CCDC77: variants seen among roughly 807,000 people sequenced by gnomAD.
CCDC77 encodes the protein coiled-coil domain-containing protein 77.
CCDC77 carries 56 observed loss-of-function variants against 66.8 expected under a neutral mutation model. The observed-to-expected ratio is 0.84, with a 90% CI of 0.68 to 1.05. The LOEUF is 1.05. Among genes scored for constraint, CCDC77 ranks in the 50% least tolerant of loss-of-function variants. The probability of loss-of-function intolerance (pLI) is 0.00; values close to 1 mark genes in which losing one functional copy is unlikely to be tolerated. For missense variants in CCDC77, 570 were observed against 576.8 expected, an observed-to-expected ratio of 0.99 and a Z score of 0.12; for synonymous variants, 196 against 195.2, an observed-to-expected ratio of 1.00 and a Z score of -0.03.
chr12:390,051 T>G (rs901050556), intron 1 of CCDC77: 11 of 149,732 alleles, frequency 7.3e-5, no homozygotes, highest in African/African-American at 2.5e-4. Context: ...CTCAAAGTAC[T>G]TTAATTGTTC....
intron 7 of CCDC77, among the ~76,000 whole-genome samples, chr12:430,939 G>A (rs1407985172): frequency 6.6e-6 from 1 of 151,900 alleles, no homozygotes; most frequent in Admixed American, 6.6e-5. Context: ...AACTAGCCGG[G>A]TGTGGTGGCA....
At chr12:422,696 C>T (rs1020385493) in intron 5 of CCDC77, among the ~76,000 whole-genome samples, 12 of 152,198 alleles carry the variant, frequency 7.9e-5, no homozygotes, top group African/African-American at 2.2e-4. Context: ...CTGTAACCTC[C>T]GCCTTCCAAA....
chr12:411,514 C>G lies in CCDC77; in HGVS notation c.39-233C>G, dbSNP rs542269377. ...TTTTTTTTAAATAAAGACAGGGTTTCACTATATTGCCCAGGCTGGTCTTGA... is the reference window on the plus strand; with the variant it reads ...TTTTTTTTAAATAAAGACAGGGTTTGACTATATTGCCCAGGCTGGTCTTGA... On this transcript the variant is annotated intron_variant, in intron 3 of 12. Transcript: ENST00000239830. Among the ~76,000 whole-genome samples the G allele has an allele frequency of 2.6e-5, 4 of 151,324 alleles. 1 individual carries two copies. In the South Asian group the frequency reaches 8.4e-4, roughly 32 times the overall value.
At chr12:406,521 T>A (rs1944994244) in intron 2 of CCDC77, among the ~76,000 whole-genome samples, 1 of 152,234 alleles carries the variant, frequency 6.6e-6, no homozygotes, top group Non-Finnish European at 1.5e-5. Context: ...CAGGACCTTG[T>A]CGGCAATTTT....
intron 12 of CCDC77, 27 bp from the exon 13 acceptor site, chr12:441,745 CTT>C (rs34054482): frequency 0.14 from 197,239 of 1,379,370 alleles, 702 homozygotes; most frequent in Non-Finnish European, 0.15. Flanking sequence ...ATCATCATTT[CTT>C]TTTTTTTTTT....
At chr12:431,321 C>T (rs1465355150) in intron 7 of CCDC77, among the ~76,000 whole-genome samples, 5 of 150,708 alleles carry the variant, frequency 3.3e-5, no homozygotes, top group African/African-American at 9.8e-5. Flanking sequence ...CAGATTCAAG[C>T]GATTCTCCTA....
intron 1 of CCDC77, among the ~76,000 whole-genome samples, chr12:392,802 T>C (rs1434256095): frequency 6.6e-6 from 1 of 152,104 alleles, no homozygotes; most frequent in Non-Finnish European, 1.5e-5. Flanking sequence ...ATAATACATA[T>C]TGATGTTTAC....
intron 4 of CCDC77, among the ~76,000 whole-genome samples, chr12:412,554 C>T (rs1663268595): frequency 6.6e-6 from 1 of 152,122 alleles, no homozygotes; most frequent in Admixed American, 6.6e-5. Context: ...TAGCAGGATC[C>T]CTGGCCTCTA....
At chr12:417,399 GT>G (rs1253761093) in intron 4 of CCDC77, among the ~76,000 whole-genome samples, 1 of 152,036 alleles carries the variant, frequency 6.6e-6, no homozygotes, top group African/African-American at 2.4e-5. Flanking sequence ...CTCTTGGGTG[GT>G]AGCGCTTTGA....
upstream of CCDC77, among the ~76,000 whole-genome samples, chr12:399,376 T>G (rs2137527396): frequency 6.6e-6 from 1 of 152,240 alleles, no homozygotes; most frequent in East Asian, 1.9e-4. Flanking sequence ...TTCTCCATGT[T>G]GGCCAGGCTG....
rs1565572244 is a variant in CCDC77, at chr12:423,489, G to GTTTGT, written c.413+4856_413+4857insGTTTT. On this transcript the variant is annotated intron_variant, in intron 5 of 12. Transcript: ENST00000239830. ...TTTTGTGTTTTTTGTGTTTTTTTTT[G>GTTTGT]TTTTGTTTTTTTTTTTTTTTTTTTG... Among the ~76,000 whole-genome samples, 199 of 32,646 alleles carry GTTTGT rather than the reference G, an allele frequency of 6.1e-3. 7 individuals carry two copies. Among genetic ancestry groups the GTTTGT allele is most frequent in the African/African-American group, 0.024 (191 of 7,848 alleles). 21.4% of individuals were successfully genotyped at this position (32,646 alleles called of 152,430 possible). A position where few individuals can be genotyped will look rare whatever the true frequency, so the allele number is the denominator to read the frequency against.
In CCDC77 at chr12:436,152, G is replaced by C. The variant is rs564380427; in HGVS notation, c.822-2183G>C. Among the ~76,000 whole-genome samples the C allele has an allele frequency of 8.2e-3, 993 of 120,376 alleles. 6 individuals carry two copies. The highest frequency in any genetic ancestry group is 0.012 in the Non-Finnish European group (717 of 61,930). 79.0% of individuals were successfully genotyped at this position (120,376 alleles called of 152,430 possible). Reference sequence around the variant, plus strand: ...TTTTTTTTTGAGACAGAGTCTCGCTGTGTCGTCCAGGCTGGAGTGCAGTGG... The same window carrying C: ...TTTTTTTTTGAGACAGAGTCTCGCTCTGTCGTCCAGGCTGGAGTGCAGTGG... On this transcript the variant is annotated intron_variant, in intron 9 of 12. Coordinates refer to ENST00000239830, the MANE Select transcript of CCDC77 (RefSeq NM_032358.4).
chr12:400,282 A>G (rs139531620), upstream of CCDC77, among the ~76,000 whole-genome samples: 1 of 152,230 alleles, frequency 6.6e-6, no homozygotes, highest in East Asian at 1.9e-4. Flanking sequence ...GACCACTCAA[A>G]CTTTCTCTAT....
chr12:412,945 CTT>C (rs757945841), intron 4 of CCDC77, among the ~76,000 whole-genome samples: 6 of 147,478 alleles, frequency 4.1e-5, no homozygotes, highest in Admixed American at 6.8e-5. Flanking sequence ...GGTTGCTTTT[CTT>C]TTTTTTTTTG....
chr12:400,186 C>T (rs1378259913), upstream of CCDC77, among the ~76,000 whole-genome samples: 1 of 152,196 alleles, frequency 6.6e-6, no homozygotes, highest in Admixed American at 6.5e-5. Context: ...CCTGTCTCAG[C>T]CTTCATTTTA....
At chr12:428,897 T>C in intron 6 of CCDC77, 32 bp downstream of exon 6, 1 of 1,421,612 alleles carries the variant, frequency 7.0e-7, no homozygotes, top group South Asian at 1.2e-5. Context: ...ATGGTGAGTG[T>C]GGCTTTACAA....
At chr12:423,215 C>T (rs1287966801) in intron 5 of CCDC77, among the ~76,000 whole-genome samples, 4 of 141,320 alleles carry the variant, frequency 2.8e-5, no homozygotes, top group African/African-American at 7.8e-5. Flanking sequence ...TTACCTACCT[C>T]CTAGGCTCAG....
At chr12:398,368 T>C (rs1328879022), upstream of CCDC77, among the ~76,000 whole-genome samples, 2 of 152,200 alleles carry the variant, frequency 1.3e-5, no homozygotes, top group Admixed American at 1.3e-4. Context: ...TTTCTTTACT[T>C]ATTCATAAGA....
At chr12:406,034 C>T (rs929976741) in intron 2 of CCDC77, among the ~76,000 whole-genome samples, 2 of 151,732 alleles carry the variant, frequency 1.3e-5, no homozygotes, top group African/African-American at 4.8e-5. Flanking sequence ...CCTCCTACCT[C>T]GGCCTCCTGT....
Sources: gnomAD v4.1 joint callset for allele counts (sites outside exome capture counted in the v4.1 genomes callset) on GRCh38, gnomAD v4.1.1 for gene constraint, MANE v1.5 for transcripts, NCBI Gene and HGNC (gene_info 2026-07-23, HGNC 2026-07-21) for gene names.